Variants in AP4E1 observed in about 807,000 individuals in gnomAD.
AP4E1 encodes adaptor related protein complex 4 subunit epsilon 1.
Under a neutral mutation model 128.2 loss-of-function variants are expected in AP4E1, and 56 were observed. The ratio of observed to expected loss-of-function variants is 0.44; its 90% confidence interval spans 0.35 to 0.55. The LOEUF (loss-of-function observed/expected upper bound fraction) is 0.55, where lower values mean the gene tolerates loss of function less well. Among genes scored for constraint, AP4E1 ranks in the 20% least tolerant of loss-of-function variants. AP4E1 has a pLI of 0.00. For missense variants in AP4E1, 1,324 were observed against 1,307.7 expected, an observed-to-expected ratio of 1.01 and a Z score of -0.19; for synonymous variants, 484 against 473.1, an observed-to-expected ratio of 1.02 and a Z score of -0.30.
At chr15:50,922,303 A>G (rs2063714641) in intron 3 of AP4E1, among the ~76,000 whole-genome samples, 1 of 151,872 alleles carries the variant, frequency 6.6e-6, no homozygotes, top group South Asian at 2.1e-4. Context: ...CTGCCTTCCA[A>G]CCTGAGTGAT....
At chr15:50,957,820 G>T (rs950372242) in intron 13 of AP4E1, among the ~76,000 whole-genome samples, 32 of 151,666 alleles carry the variant, frequency 2.1e-4, no homozygotes, top group African/African-American at 7.8e-4. Flanking sequence ...GAGACTCTAG[G>T]CGTGTGCCAC....
chr15:50,910,188 T>C (rs2063547379), intron 1 of AP4E1, among the ~76,000 whole-genome samples: 1 of 152,178 alleles, frequency 6.6e-6, no homozygotes, highest in African/African-American at 2.4e-5. Context: ...GATTTCACCA[T>C]GTTGGGCAGG....
At chr15:50,932,890 A>G (rs1162299943) in intron 7 of AP4E1, among the ~76,000 whole-genome samples, 1 of 152,228 alleles carries the variant, frequency 6.6e-6, no homozygotes, top group Admixed American at 6.5e-5. Flanking sequence ...ATTTTATATC[A>G]TGCCAGCCTA....
intron 2 of AP4E1, 123 bp downstream of exon 2, chr15:50,912,272 T>C (rs2141126606): frequency 2.2e-6 from 2 of 915,550 alleles, no homozygotes; most frequent in South Asian, 2.7e-5. Flanking sequence ...AAATGAATTA[T>C]AGTTGGTAGC....
At chr15:50,931,881 A>C (rs2063840776) in intron 7 of AP4E1, among the ~76,000 whole-genome samples, 1 of 152,068 alleles carries the variant, frequency 6.6e-6, no homozygotes, top group Admixed American at 6.6e-5. Context: ...TGAGTGCTTC[A>C]CCTTTTTAAT....
intron 1 of AP4E1, 133 bp from the exon 2 acceptor site, chr15:50,911,945 T>A (rs1367302108): frequency 1.3e-6 from 1 of 769,524 alleles, no homozygotes. Flanking sequence ...GCAGATAGTA[T>A]TTGTAACTCT....
rs142520359 is a variant in AP4E1 at position 50,963,907 on chromosome 15, A to G, written c.1852-4356A>G. On this transcript the variant is annotated intron_variant, in intron 14 of 20. Transcript: ENST00000261842. ...AAAGAGACTGTCACAGGATATAAAT[A>G]TCTTCACTGCAGTTTTCCAGAAGAG... 2.0e-5 allele frequency among the ~76,000 whole-genome samples: 3 copies of G among 152,380 alleles called. No homozygotes were observed. In the East Asian group the frequency reaches 5.8e-4, roughly 29 times the overall value.
At chr15:50,966,859 C>T (rs1315185294) in intron 14 of AP4E1, among the ~76,000 whole-genome samples, 1 of 152,126 alleles carries the variant, frequency 6.6e-6, no homozygotes. Context: ...TTAAGTGAAA[C>T]CTTTCCAGAT....
At chr15:50,998,694 C>T (rs1399983482) in intron 18 of AP4E1, among the ~76,000 whole-genome samples, 1 of 152,070 alleles carries the variant, frequency 6.6e-6, no homozygotes, top group Admixed American at 6.6e-5. Flanking sequence ...TGCTTTAACT[C>T]TACCACCAAA....
rs553522152 is a variant in AP4E1 at position 50,908,807 on chromosome 15, C to T, written c.29C>T (p.Thr10Met). 12 of 1,600,012 alleles carry T rather than the reference C, an allele frequency of 7.5e-6. No homozygotes were observed. In the African/African-American group the frequency reaches 8.0e-5, roughly 11 times the overall value. Residue 10 changes from threonine (T) to methionine (M), a missense_variant, in exon 1 of 21, where the codon ACG becomes ATG. By Grantham distance (81) the Thr-to-Met change is moderately conservative. Coordinates refer to ENST00000261842, the MANE Select transcript of AP4E1 (RefSeq NM_007347.5). ...AGCGACATAGTGGAGAAGACGCTGA[C>T]GGCGCTGCCGGGACTCTTTCTGCAG... The part of the protein sequence containing the change: MSDIVEKTL[T>M]ALPGLFLQNQ...
intron 10 of AP4E1, chr15:50,945,308 C>T (rs528881274): frequency 3.7e-5 from 29 of 780,852 alleles, no homozygotes; most frequent in Non-Finnish European, 6.9e-5. Context: ...GAAGTTTGTG[C>T]GTCTGACAGG....
At chr15:50,985,862 C>T (rs1417260112) in intron 16 of AP4E1, among the ~76,000 whole-genome samples, 1 of 152,114 alleles carries the variant, frequency 6.6e-6, no homozygotes, top group African/African-American at 2.4e-5. Flanking sequence ...TCATTGGTAG[C>T]TTGATGGGGA....
chr15:50,998,426 T>A (rs2064911165), intron 18 of AP4E1, among the ~76,000 whole-genome samples: 1 of 151,892 alleles, frequency 6.6e-6, no homozygotes, highest in African/African-American at 2.4e-5. Flanking sequence ...GGTCAGGAGT[T>A]TGAGACCAGC....
chr15:50,921,259 G>C (rs969106287), intron 3 of AP4E1, among the ~76,000 whole-genome samples: 109 of 152,148 alleles, frequency 7.2e-4, no homozygotes, highest in African/African-American at 2.5e-3. Flanking sequence ...CAACGTGCTG[G>C]AATTATAGGC....
rs1482017558 is a variant in AP4E1, at chr15:50,925,144, T to C, written c.467T>C (p.Val156Ala). The change falls in exon 5 of 21, where the codon GTT becomes GCT. Residue 156 changes from valine to alanine, a missense_variant. Transcript: ENST00000261842. ...GTAGAAGTGTGTATGGCACTGACTG[T>C]TGTTAGCCAGATTTTCCCCTGCGAA... Reference protein sequence around the residue: ...NLVEVCMALTVVSQIFPCEMI... With the variant: ...NLVEVCMALTAVSQIFPCEMI... 6.2e-7 allele frequency: 1 copy of C among 1,613,948 alleles called. No individual in the cohort carries two copies. The highest frequency in any genetic ancestry group is 2.2e-5 in the East Asian group (1 of 44,874).
chr15:50,985,349 A>T (rs146318938), intron 16 of AP4E1, among the ~76,000 whole-genome samples: 1,660 of 152,194 alleles, frequency 0.011, 27 homozygotes, highest in African/African-American at 0.039. Flanking sequence ...TTTTGTTGCC[A>T]TTGCTTTTGG....
chr15:50,915,928 CT>C (rs1189898509), intron 3 of AP4E1: 18 of 216,476 alleles, frequency 8.3e-5, no homozygotes, highest in South Asian at 2.6e-4. Flanking sequence ...ATAAAGAGCT[CT>C]TTTTTTTGTT....
At chr15:50,923,327 TA>T (rs1325604373) in intron 3 of AP4E1, among the ~76,000 whole-genome samples, 5 of 152,190 alleles carry the variant, frequency 3.3e-5, no homozygotes, top group Non-Finnish European at 7.4e-5. Flanking sequence ...ATTATTGCAA[TA>T]AAAATGCTTA....
At chr15:50,947,197 C>G (rs555834536) in intron 10 of AP4E1, among the ~76,000 whole-genome samples, 3 of 152,260 alleles carry the variant, frequency 2.0e-5, no homozygotes, top group East Asian at 3.9e-4. Flanking sequence ...GGGAGGATCA[C>G]TTGAGCCCAG....
Sources: gnomAD v4.1 joint callset for allele counts (sites outside exome capture counted in the v4.1 genomes callset) on GRCh38, gnomAD v4.1.1 for gene constraint, MANE v1.5 for transcripts, NCBI Gene and HGNC (gene_info 2026-07-23, HGNC 2026-07-21) for gene names.